LIPA: variants seen among roughly 807,000 people sequenced by gnomAD.
LIPA encodes the protein lipase A, lysosomal acid type.
A neutral mutation model predicts 40.6 loss-of-function variants in LIPA; 26 were observed. That is an observed-to-expected ratio of 0.64 (90% CI 0.47 to 0.89). The LOEUF (loss-of-function observed/expected upper bound fraction) is 0.89, where lower values mean the gene tolerates loss of function less well. LIPA is among the 40% of genes least tolerant of loss of function. The probability of loss-of-function intolerance (pLI) is 0.00; values close to 1 mark genes in which losing one functional copy is unlikely to be tolerated. For synonymous variants in LIPA, 188 were observed against 168.4 expected, an observed-to-expected ratio of 1.12 and a Z score of -0.90; for missense variants, 455 against 479.6, an observed-to-expected ratio of 0.95 and a Z score of 0.48.
At chr10:89,299,542 A>G (rs1179610180) in intron 1 of LIPA, among the ~76,000 whole-genome samples, 1 of 152,190 alleles carries the variant, frequency 6.6e-6, no homozygotes, top group African/African-American at 2.4e-5. Context: ...GTTCTTCTCC[A>G]TGGCGCATTA....
Position 89,394,617 on chromosome 10 carries a change from TATATATATATAA to T in LIPA, c.61+18162_61+18173del, listed in dbSNP as rs1464397196. Among the ~76,000 whole-genome samples the T allele has an allele frequency of 8.5e-3, 231 of 27,040 alleles. 11 individuals carry two copies. Among genetic ancestry groups the T allele is most frequent in the African/African-American group, 0.038 (138 of 3,624 alleles). 17.7% of individuals were successfully genotyped at this position (27,040 alleles called of 152,430 possible). On this transcript the variant is annotated intron_variant, in intron 2 of 8. Coordinates refer to the LIPA transcript ENST00000371837. Reference sequence around the variant, plus strand: ...ATATATATATATATATATATATATATATATATATATAAAACTTGAATTTTATTCAGGTTAGCA... The same window carrying T: ...ATATATATATATATATATATATATATAACTTGAATTTTATTCAGGTTAGCA...
At chr10:89,260,493 G>A (rs888283347) in intron 1 of LIPA, among the ~76,000 whole-genome samples, 2 of 152,176 alleles carry the variant, frequency 1.3e-5, no homozygotes, top group African/African-American at 4.8e-5. Context: ...GATTGGCTAA[G>A]CTGATTAGAA....
intron 3 of LIPA, among the ~76,000 whole-genome samples, chr10:89,240,007 C>T (rs917317970): frequency 2.0e-5 from 3 of 152,064 alleles, no homozygotes; most frequent in African/African-American, 7.3e-5. Context: ...CACAGTTGAG[C>T]GAATTTTGGG....
At chr10:89,302,098 G>T (rs201027227) in intron 1 of LIPA, 2 of 1,613,802 alleles carry the variant, frequency 1.2e-6, no homozygotes, top group South Asian at 1.1e-5. Context: ...GAGCCCTGCC[G>T]AACAGCTGAG....
chr10:89,279,228 G>A (rs980669614), intron 1 of LIPA, among the ~76,000 whole-genome samples: 1 of 152,130 alleles, frequency 6.6e-6, no homozygotes, highest in African/African-American at 2.4e-5. Flanking sequence ...AATGAACCCT[G>A]GCCTTTCACC....
At chr10:89,375,984 C>T (rs1029126562) in intron 2 of LIPA, among the ~76,000 whole-genome samples, 9 of 151,706 alleles carry the variant, frequency 5.9e-5, no homozygotes, top group African/African-American at 9.7e-5. Flanking sequence ...GTCAGGAGTT[C>T]GAAACCAGGA....
intron 1 of LIPA, among the ~76,000 whole-genome samples, chr10:89,293,309 C>T (rs1056818812): frequency 6.6e-6 from 1 of 152,162 alleles, no homozygotes; most frequent in Non-Finnish European, 1.5e-5. Context: ...AACCTCTTTC[C>T]CAGTCTCAGG....
chr10:89,321,372 GA>G (rs1158213174), intron 1 of LIPA, among the ~76,000 whole-genome samples: 1 of 151,994 alleles, frequency 6.6e-6, no homozygotes, highest in Non-Finnish European at 1.5e-5. Flanking sequence ...AAATTTACAA[GA>G]AAAAAATCAA....
Position 89,215,932 on chromosome 10 carries a change from C to T in LIPA, c.966+6G>A. ...CCCCCTTTAATGAAAAGACTAAAAA[C>T]TTTACCTGGTTGTAATGAAAATAAT... On this transcript the variant is annotated splice_donor_region_variant and intron_variant, in intron 9 of 9. Coordinates refer to ENST00000336233, the MANE Select transcript of LIPA (RefSeq NM_000235.4). The T allele has an allele frequency of 6.2e-7, 1 of 1,600,032 alleles. No homozygotes were observed. Among genetic ancestry groups the T allele is most frequent in the Non-Finnish European group, 8.6e-7 (1 of 1,167,220 alleles).
At chr10:89,364,445 A>G (rs1844044247) in intron 2 of LIPA, among the ~76,000 whole-genome samples, 1 of 152,198 alleles carries the variant, frequency 6.6e-6, no homozygotes, top group Non-Finnish European at 1.5e-5. Context: ...GCACATGGGC[A>G]GAAAGAGAGA....
At chr10:89,301,977 C>T (rs1481364381) in intron 1 of LIPA, 9 of 673,724 alleles carry the variant, frequency 1.3e-5, no homozygotes, top group Non-Finnish European at 2.0e-5. Context: ...GTAACGTCAG[C>T]TGAAGGGAAA....
chr10:89,362,659 T>C lies in LIPA; in HGVS notation c.61+50132A>G, dbSNP rs989872269. 10 of 544,846 alleles carry C rather than the reference T, an allele frequency of 1.8e-5. No homozygotes were observed. In the African/African-American group the frequency reaches 2.0e-4, roughly 11 times the overall value. 33.8% of individuals were successfully genotyped at this position (544,846 alleles called of 1,614,324 possible). On this transcript the variant is annotated intron_variant, in intron 2 of 8. Transcript: ENST00000371837. ...AGACTGGCAGAAGCCCAGACTTACC[T>C]GGATAAGGTAGAGAACATTTGCAAG...
chr10:89,306,808 T>C (rs760373769), intron 1 of LIPA: 2 of 1,614,148 alleles, frequency 1.2e-6, no homozygotes, highest in Admixed American at 1.7e-5. Flanking sequence ...CCTACCTGCA[T>C]TGCCAAATTG....
In LIPA at chr10:89,228,393, TG is replaced by T; in HGVS notation, c.234del (p.Lys79AsnfsTer82). 1 of 1,614,216 alleles carries T rather than the reference TG, an allele frequency of 6.2e-7. No individual in the cohort carries two copies. The highest frequency in any genetic ancestry group is 8.5e-7 in the Non-Finnish European group (1 of 1,180,018). ...HGRKNHSDKG[P>X]KPVVFLQHGL... ...CCATGTTGCAGGAAGACAACTGGTT[TG>T]GGACCTGAAAAACATTCATTGTTTA... is the stretch of plus-strand genomic sequence containing the variant. On this transcript the variant is annotated frameshift_variant, in exon 4 of 10. Coordinates refer to ENST00000336233, the MANE Select transcript of LIPA (RefSeq NM_000235.4). LOFTEE classifies it high-confidence loss of function.
chr10:89,289,468 A>G (rs1322255563), intron 1 of LIPA, among the ~76,000 whole-genome samples: 1 of 152,160 alleles, frequency 6.6e-6, no homozygotes, highest in African/African-American at 2.4e-5. Flanking sequence ...CACATGCTTC[A>G]AGTCAGGAAA....
At chr10:89,396,955 T>C (rs1267210543) in intron 2 of LIPA, among the ~76,000 whole-genome samples, 1 of 152,228 alleles carries the variant, frequency 6.6e-6, no homozygotes, top group Non-Finnish European at 1.5e-5. Flanking sequence ...GCTGTAAATA[T>C]ACTTACATAT....
chr10:89,384,618 G>T, intron 2 of LIPA: 1 of 1,614,178 alleles, frequency 6.2e-7, no homozygotes, highest in East Asian at 2.2e-5. Flanking sequence ...AGAATGTACG[G>T]GTTGTGGAAA....
chr10:89,307,106 C>A (rs1362004756), intron 1 of LIPA: 1 of 1,613,910 alleles, frequency 6.2e-7, no homozygotes, highest in Admixed American at 1.7e-5. Flanking sequence ...TCAGCTGTAC[C>A]AAATGAAGTG....
At chr10:89,282,253 T>A (rs1190383081) in intron 1 of LIPA, among the ~76,000 whole-genome samples, 24 of 152,234 alleles carry the variant, frequency 1.6e-4, no homozygotes, top group Admixed American at 1.6e-3. Flanking sequence ...AACTGAGACC[T>A]GTTTTATGAT....
Sources: allele counts gnomAD v4.1 joint callset (sites outside exome capture counted in the v4.1 genomes callset), GRCh38; gene constraint gnomAD v4.1.1; transcripts MANE v1.5; gene names NCBI Gene and HGNC (gene_info 2026-07-23, HGNC 2026-07-21).